The following FGF2 variants were observed in gnomAD, a reference collection of about 807,000 sequenced individuals.
FGF2 encodes the protein fibroblast growth factor 2.
A neutral mutation model predicts 15.9 loss-of-function variants in FGF2; 13 were observed. The observed-to-expected ratio is 0.82, with a 90% CI of 0.53 to 1.30. FGF2 has a LOEUF of 1.30. Among genes scored for constraint, FGF2 ranks in the 50% most tolerant of loss-of-function variants. FGF2 has a pLI of 0.00. For synonymous variants in FGF2, 90 were observed against 78.4 expected (o/e 1.15, Z -0.78); for missense variants, 163 against 196.9 (o/e 0.83, Z 1.03).
At chr4:122,858,564 G>T (rs887824460) in intron 1 of FGF2, among the ~76,000 whole-genome samples, 1 of 151,880 alleles carries the variant, frequency 6.6e-6, no homozygotes, top group African/African-American at 2.4e-5. Flanking sequence ...TGCCTGGCTA[G>T]TTTTTTGTAT....
At chr4:122,872,243 C>T (rs1483597091) in intron 1 of FGF2, among the ~76,000 whole-genome samples, 1 of 151,108 alleles carries the variant, frequency 6.6e-6, no homozygotes, top group East Asian at 1.9e-4. Flanking sequence ...AGTATCAACA[C>T]CCAAATCAAC....
chr4:122,870,143 T>C (rs893714008), intron 1 of FGF2, among the ~76,000 whole-genome samples: 3 of 152,222 alleles, frequency 2.0e-5, no homozygotes, highest in Non-Finnish European at 4.4e-5. Context: ...ATTTATTGAT[T>C]TGTGTATGTT....
intron 1 of FGF2, among the ~76,000 whole-genome samples, chr4:122,864,587 T>C (rs1726533579): frequency 6.6e-6 from 1 of 152,228 alleles, no homozygotes. Context: ...CACATATCCC[T>C]TTTGGGTGAT....
chr4:122,841,208 T>C (rs535182005), intron 1 of FGF2, among the ~76,000 whole-genome samples: 8 of 152,356 alleles, frequency 5.3e-5, no homozygotes, highest in African/African-American at 1.7e-4. Context: ...ATAAGTTTTA[T>C]TGGCACACAG....
At chr4:122,889,365 G>A (rs958162737) in intron 2 of FGF2, among the ~76,000 whole-genome samples, 5 of 152,030 alleles carry the variant, frequency 3.3e-5, no homozygotes, top group African/African-American at 7.3e-5. Flanking sequence ...CTTTTTATCC[G>A]AAGTTTGAAA....
At chr4:122,851,214 T>G (rs1726225025) in intron 1 of FGF2, among the ~76,000 whole-genome samples, 1 of 152,202 alleles carries the variant, frequency 6.6e-6, no homozygotes, top group Non-Finnish European at 1.5e-5. Context: ...GGATTAGGAC[T>G]GCTGATCTTG....
At chr4:122,862,936 G>T (rs1159052304) in intron 1 of FGF2, among the ~76,000 whole-genome samples, 2 of 152,190 alleles carry the variant, frequency 1.3e-5, no homozygotes, top group Non-Finnish European at 2.9e-5. Context: ...ACTCTAGGGA[G>T]TCATCTCCGG....
intron 2 of FGF2, among the ~76,000 whole-genome samples, chr4:122,880,767 T>A (rs191655451): frequency 1.3e-5 from 2 of 152,302 alleles, no homozygotes; most frequent in Admixed American, 1.3e-4. Context: ...TCTACCATTC[T>A]GGGGTCTGGA....
Position 122,826,901 on chromosome 4 carries a change from C to A in FGF2, c.-274C>A. 3 of 1,507,324 alleles carry A rather than the reference C, an allele frequency of 2.0e-6. No individual in the cohort carries two copies. Among genetic ancestry groups the A allele is most frequent in the Non-Finnish European group, 2.7e-6 (3 of 1,129,856 alleles). 93.4% of individuals were successfully genotyped at this position (1,507,324 alleles called of 1,614,324 possible). A position where few individuals can be genotyped will look rare whatever the true frequency, so the allele number is the denominator to read the frequency against. ...GCGCTGCAGCTTGGGAGGCGGCTCT[C>A]CCCAGGCGGCGTCCGCGGAGACACC... On this transcript the variant is annotated 5_prime_UTR_variant, in exon 1 of 3. Transcript: ENST00000644866.
intron 1 of FGF2, among the ~76,000 whole-genome samples, chr4:122,838,870 C>T (rs1003804034): frequency 3.9e-5 from 6 of 152,184 alleles, no homozygotes; most frequent in African/African-American, 7.2e-5. Flanking sequence ...ACCATACAGC[C>T]ATGCACTGCA....
intron 1 of FGF2, among the ~76,000 whole-genome samples, chr4:122,849,034 G>T (rs1002946730): frequency 9.9e-5 from 15 of 152,222 alleles, no homozygotes; most frequent in African/African-American, 2.6e-4. Context: ...TTCCGGACTG[G>T]GTCTCTTGGT....
chr4:122,885,173 A>C (rs1727032176), intron 2 of FGF2, among the ~76,000 whole-genome samples: 1 of 152,220 alleles, frequency 6.6e-6, no homozygotes, highest in Admixed American at 6.5e-5. Flanking sequence ...GATTTTCCCC[A>C]GTCCTAGTTC....
chr4:122,855,316 C>T (rs562032503), intron 1 of FGF2, among the ~76,000 whole-genome samples: 1 of 152,210 alleles, frequency 6.6e-6, no homozygotes, highest in South Asian at 2.1e-4. Context: ...TGCAGAAATA[C>T]TTACTTAAGG....
intron 1 of FGF2, among the ~76,000 whole-genome samples, chr4:122,855,893 A>C (rs916349736): frequency 6.6e-6 from 1 of 152,136 alleles, no homozygotes; most frequent in African/African-American, 2.4e-5. Context: ...AGGTAGCAAA[A>C]GTGATATTTG....
At chr4:122,867,476 C>A (rs1726624870) in intron 1 of FGF2, among the ~76,000 whole-genome samples, 1 of 152,128 alleles carries the variant, frequency 6.6e-6, no homozygotes, top group Admixed American at 6.5e-5. Context: ...GATGGCTTCC[C>A]AAGCTGGCAG....
chr4:122,838,894 G>A (rs556287470), intron 1 of FGF2, among the ~76,000 whole-genome samples: 2 of 152,262 alleles, frequency 1.3e-5, no homozygotes, highest in East Asian at 1.9e-4. Context: ...TGATGTTTCG[G>A]TTAATTGCAG....
chr4:122,837,082 AC>A (rs919664795), intron 1 of FGF2, among the ~76,000 whole-genome samples: 7 of 152,182 alleles, frequency 4.6e-5, no homozygotes, highest in African/African-American at 1.7e-4. Flanking sequence ...ACTGTCTGGT[AC>A]CATTGTTAAT....
At chr4:122,891,021 C>CTTTTTTTTTTTTTTTTTTTTTTT (rs769084285) in intron 2 of FGF2, among the ~76,000 whole-genome samples, 4 of 94,740 alleles carry the variant, frequency 4.2e-5, no homozygotes, top group African/African-American at 3.2e-5. Flanking sequence ...AACAATTTAT[C>CTTTTTTTTTTTTTTTTTTTTTTT]TTTTTTTTTT....
At chr4:122,886,961 C>T (rs1727071716) in intron 2 of FGF2, among the ~76,000 whole-genome samples, 1 of 152,148 alleles carries the variant, frequency 6.6e-6, no homozygotes, top group Non-Finnish European at 1.5e-5. Context: ...AATGGTGGTA[C>T]ATACTAGCCT....
Sources: gnomAD v4.1 joint callset for allele counts (sites outside exome capture counted in the v4.1 genomes callset) on GRCh38, gnomAD v4.1.1 for gene constraint, MANE v1.5 for transcripts, NCBI Gene and HGNC (gene_info 2026-07-23, HGNC 2026-07-21) for gene names.